GRM3: variants seen among roughly 807,000 people sequenced by gnomAD.
GRM3 encodes the protein metabotropic glutamate receptor 3.
In GRM3, 26 loss-of-function variants were observed where a neutral mutation model predicts 70.5. The observed-to-expected ratio is 0.37, with a 90% CI of 0.27 to 0.51. The LOEUF is 0.51. Ranked by LOEUF, GRM3 falls within the 20% of genes least tolerant of loss-of-function variation. The pLI is 0.93. For synonymous variants in GRM3, 443 were observed against 434.9 expected (o/e 1.02, Z -0.23); for missense variants, 859 against 1,123.8 (o/e 0.76, Z 3.37).
chr7:86,861,696 GA>G (rs993156902), intron 5 of GRM3, among the ~76,000 whole-genome samples: 5 of 151,208 alleles, frequency 3.3e-5, no homozygotes, highest in Middle Eastern at 3.4e-3. Context: ...CAAAAAGAAG[GA>G]AAAAAAAATT....
At chr7:86,808,309 T>G (rs1018542506) in intron 3 of GRM3, among the ~76,000 whole-genome samples, 50 of 152,172 alleles carry the variant, frequency 3.3e-4, no homozygotes, top group African/African-American at 1.1e-3. Context: ...TGGAATAGTT[T>G]CAGAAGAAAT....
At chr7:86,726,519 C>G (rs1260570251) in intron 1 of GRM3, among the ~76,000 whole-genome samples, 1 of 152,116 alleles carries the variant, frequency 6.6e-6, no homozygotes, top group Non-Finnish European at 1.5e-5. Flanking sequence ...TGTTCTCATA[C>G]AACTTTCTTT....
In GRM3 at chr7:86,685,147, C is replaced by CA. The variant is rs532573017; in HGVS notation, c.-141+40281dup. ...ACTTCCATCCTCAATTAATGAACTA[C>CA]AAAAAATGAAATAGAAAACAGTTAA... is the stretch of plus-strand genomic sequence containing the variant. On this transcript the variant is annotated intron_variant, in intron 1 of 5. Coordinates refer to ENST00000361669, the MANE Select transcript of GRM3 (RefSeq NM_000840.3). Among the ~76,000 whole-genome samples, 219 of 152,188 alleles carry CA rather than the reference C, an allele frequency of 1.4e-3. 2 individuals are homozygous for CA. The highest frequency in any genetic ancestry group is 4.6e-3 in the African/African-American group (193 of 41,532).
intron 3 of GRM3, among the ~76,000 whole-genome samples, chr7:86,828,120 A>C (rs1224568493): frequency 6.7e-6 from 1 of 149,072 alleles, no homozygotes; most frequent in Non-Finnish European, 1.5e-5. Context: ...TCAAAAAAAA[A>C]AAAAAAAAAA....
intron 1 of GRM3, among the ~76,000 whole-genome samples, chr7:86,710,770 G>A (rs1216016538): frequency 6.6e-6 from 1 of 152,012 alleles, no homozygotes. Context: ...AGTGGCTAAA[G>A]TTTGGACCTT....
chr7:86,765,028 A>G lies in GRM3; in HGVS notation c.-118A>G. ...TAGGAATTTTGTGACAGGCTCTGTTAGTCTGTTCCTCCCTTATTTGAAGGA... is the reference window on the plus strand; with the variant it reads ...TAGGAATTTTGTGACAGGCTCTGTTGGTCTGTTCCTCCCTTATTTGAAGGA... On this transcript the variant is annotated 5_prime_UTR_variant, in exon 2 of 6. An upstream open reading frame in the 5' UTR loses its in-frame stop. Transcript: ENST00000361669. 1 of 1,485,900 alleles carries G rather than the reference A, an allele frequency of 6.7e-7. No homozygotes were observed. Among genetic ancestry groups the G allele is most frequent in the Non-Finnish European group, 8.9e-7 (1 of 1,126,724 alleles). 92.0% of individuals were successfully genotyped at this position (1,485,900 alleles called of 1,614,324 possible).
chr7:86,669,212 CCA>C (rs1388673954), intron 1 of GRM3, among the ~76,000 whole-genome samples: 1 of 152,100 alleles, frequency 6.6e-6, no homozygotes, highest in Admixed American at 6.6e-5. Flanking sequence ...CTTTCCATGC[CCA>C]CACCTCACCC....
At chr7:86,732,162 C>T (rs1404528047) in intron 1 of GRM3, among the ~76,000 whole-genome samples, 3 of 151,948 alleles carry the variant, frequency 2.0e-5, no homozygotes, top group Admixed American at 2.0e-4. Context: ...GTATTAAGAG[C>T]CTTCCATTTT....
At chr7:86,807,924 T>A (rs1281387317) in intron 3 of GRM3, among the ~76,000 whole-genome samples, 3 of 152,222 alleles carry the variant, frequency 2.0e-5, no homozygotes, top group East Asian at 1.9e-4. Context: ...GTCCCATCAA[T>A]ACCTAGTTTA....
rs192789187 is a variant in GRM3, at chr7:86,777,547, G to A, written c.469-8714G>A. Among the ~76,000 whole-genome samples, 514 of 152,154 alleles carry A rather than the reference G, an allele frequency of 3.4e-3. 3 individuals carry two copies. Among genetic ancestry groups the A allele is most frequent in the Admixed American group, 7.6e-3 (116 of 15,284 alleles). On this transcript the variant is annotated intron_variant, in intron 2 of 5. Transcript: ENST00000361669. ...TGTTGACCTCTTCATATTATACTGCGTACACTGGTATTTGCTATACTTCAT... is the reference window on the plus strand; with the variant it reads ...TGTTGACCTCTTCATATTATACTGCATACACTGGTATTTGCTATACTTCAT...
intron 1 of GRM3, among the ~76,000 whole-genome samples, chr7:86,708,734 G>C (rs1384662244): frequency 6.6e-6 from 1 of 152,084 alleles, no homozygotes; most frequent in Non-Finnish European, 1.5e-5. Flanking sequence ...TCAAAGTAAT[G>C]AGGGCATAAC....
rs114688653 is a variant in GRM3 at position 86,711,253 on chromosome 7, A to G, written c.-140-53753A>G. ...GATAGAACAGTTGCCTGTAAAACAT[A>G]TATGACAGCTTTTGTGAACATTTAA... On this transcript the variant is annotated intron_variant, in intron 1 of 5. Coordinates refer to ENST00000361669, the MANE Select transcript of GRM3 (RefSeq NM_000840.3). Among the ~76,000 whole-genome samples the G allele has an allele frequency of 6.5e-3, 994 of 152,120 alleles. 13 individuals are homozygous for G. Among genetic ancestry groups the G allele is most frequent in the African/African-American group, 0.023 (937 of 41,540 alleles).
chr7:86,666,401 C>T (rs1794027079), intron 1 of GRM3, among the ~76,000 whole-genome samples: 1 of 151,986 alleles, frequency 6.6e-6, no homozygotes, highest in South Asian at 2.1e-4. Flanking sequence ...CATACTTAAC[C>T]TTAAAGGTAA....
intron 1 of GRM3, among the ~76,000 whole-genome samples, chr7:86,659,099 A>T (rs1164401256): frequency 1.3e-5 from 2 of 152,200 alleles, no homozygotes; most frequent in African/African-American, 4.8e-5. Flanking sequence ...CTGAATTCTG[A>T]TAAAAGCACA....
At chr7:86,778,441 T>C (rs948851444) in intron 2 of GRM3, among the ~76,000 whole-genome samples, 1 of 152,174 alleles carries the variant, frequency 6.6e-6, no homozygotes, top group African/African-American at 2.4e-5. Flanking sequence ...TCCTTTTGTC[T>C]TGTGTTGAAA....
In GRM3 at chr7:86,821,892, C is replaced by T. The variant is rs191481729; in HGVS notation, c.1325-16947C>T. ...TAATTTTCTAATTAGTGGGATTTTT[C>T]CCCATCTTCTTTGATATTTGTGAAA... On this transcript the variant is annotated intron_variant, in intron 3 of 5. Transcript: ENST00000361669. 3.3e-4 allele frequency among the ~76,000 whole-genome samples: 50 copies of T among 152,108 alleles called. No individual in the cohort carries two copies. The East Asian group carries it at 9.7e-3, about 29-fold the overall frequency.
At chr7:86,855,904 A>G (rs945546650) in intron 5 of GRM3, among the ~76,000 whole-genome samples, 3 of 152,182 alleles carry the variant, frequency 2.0e-5, no homozygotes, top group African/African-American at 7.2e-5. Flanking sequence ...TGTGCCTGTA[A>G]TCTAAGCTCA....
chr7:86,750,789 A>G (rs1439656599), intron 1 of GRM3, among the ~76,000 whole-genome samples: 1 of 152,120 alleles, frequency 6.6e-6, no homozygotes, highest in Non-Finnish European at 1.5e-5. Context: ...AAATAGCAAC[A>G]GAGAAAAGAA....
At chr7:86,658,976 T>C (rs1793824475) in intron 1 of GRM3, among the ~76,000 whole-genome samples, 1 of 152,216 alleles carries the variant, frequency 6.6e-6, no homozygotes, top group South Asian at 2.1e-4. Flanking sequence ...GAAAACATTT[T>C]ATCTGTTCAT....
Sources: gnomAD v4.1 joint callset for allele counts (sites outside exome capture counted in the v4.1 genomes callset) on GRCh38, gnomAD v4.1.1 for gene constraint, MANE v1.5 for transcripts, NCBI Gene and HGNC (gene_info 2026-07-23, HGNC 2026-07-21) for gene names.